The following CERS6 variants were observed in gnomAD, a reference collection of about 807,000 sequenced individuals.
CERS6 encodes LAG1 homolog, ceramide synthase 6.
CERS6 carries 26 observed loss-of-function variants against 56.8 expected under a neutral mutation model. The observed-to-expected ratio is 0.46, with a 90% CI of 0.34 to 0.63. CERS6 has a LOEUF of 0.63. Ranked by LOEUF, CERS6 falls within the 30% of genes least tolerant of loss-of-function variation. The probability of loss-of-function intolerance (pLI) is 0.01; values close to 1 mark genes in which losing one functional copy is unlikely to be tolerated. For missense variants in CERS6, 415 were observed against 467.5 expected (o/e 0.89, Z 1.04); for synonymous variants, 164 against 173.3 (o/e 0.95, Z 0.42).
At chr2:168,597,025 A>G (rs1002676061) in intron 3 of CERS6, among the ~76,000 whole-genome samples, 2 of 152,274 alleles carry the variant, frequency 1.3e-5, no homozygotes, top group South Asian at 2.1e-4. Context: ...TTGAACTCCA[A>G]TTGGTGAACA....
chr2:168,507,247 G>A (rs757239450), intron 1 of CERS6, among the ~76,000 whole-genome samples: 1 of 152,098 alleles, frequency 6.6e-6, no homozygotes, highest in Non-Finnish European at 1.5e-5. Flanking sequence ...AGTTTATAAT[G>A]TCATCATTGT....
intron 3 of CERS6, chr2:168,606,526 TAGGG>T (rs1406181082): frequency 6.6e-6 from 1 of 152,212 alleles, no homozygotes; most frequent in Non-Finnish European, 1.5e-5. Flanking sequence ...TACAGGCTCA[TAGGG>T]AGAAGGAATT....
intron 1 of CERS6, among the ~76,000 whole-genome samples, chr2:168,477,087 A>G (rs1694085353): frequency 2.0e-5 from 3 of 151,198 alleles, no homozygotes; most frequent in Admixed American, 6.6e-5. Context: ...CTGGTGAGGC[A>G]CCTCTTCCTG....
At chr2:168,609,802 AG>A (rs1359092912) in intron 3 of CERS6, among the ~76,000 whole-genome samples, 2 of 152,098 alleles carry the variant, frequency 1.3e-5, no homozygotes, top group Non-Finnish European at 2.9e-5. Context: ...TACCCAGAGA[AG>A]GGGTGAGAAG....
intron 8 of CERS6, among the ~76,000 whole-genome samples, chr2:168,718,528 A>G (rs913408427): frequency 1.2e-4 from 19 of 152,222 alleles, no homozygotes; most frequent in Non-Finnish European, 2.6e-4. Flanking sequence ...ACTATCCTAG[A>G]TAATTCTTTT....
intron 2 of CERS6, among the ~76,000 whole-genome samples, chr2:168,549,896 C>T (rs538850840): frequency 2.0e-5 from 3 of 151,918 alleles, no homozygotes; most frequent in Non-Finnish European, 4.4e-5. Context: ...ACAAAGTGTG[C>T]GTTTGTGTGT....
intron 6 of CERS6, among the ~76,000 whole-genome samples, chr2:168,713,125 GT>G (rs1261674413): frequency 5.9e-5 from 9 of 152,014 alleles, no homozygotes; most frequent in African/African-American, 2.2e-4. Flanking sequence ...GCCTAGAACT[GT>G]CTAGAGCATA....
At chr2:168,720,245 A>C (rs1687328566) in intron 8 of CERS6, among the ~76,000 whole-genome samples, 1 of 152,164 alleles carries the variant, frequency 6.6e-6, no homozygotes, top group African/African-American at 2.4e-5. Flanking sequence ...TACTATTTTA[A>C]CGTATCAACA....
intron 8 of CERS6, among the ~76,000 whole-genome samples, chr2:168,727,173 ATGTTGCTTTC>A (rs1683376383): frequency 6.6e-6 from 1 of 152,112 alleles, no homozygotes. Context: ...CCTTCTCAGA[ATGTTGCTTTC>A]TGTTGCTCTG....
At chr2:168,609,060 G>GTAT (rs1247175119) in intron 3 of CERS6, among the ~76,000 whole-genome samples, 1 of 152,194 alleles carries the variant, frequency 6.6e-6, no homozygotes, top group African/African-American at 2.4e-5. Context: ...CCTGCTGCCT[G>GTAT]TATCTTTTTA....
rs1687267646 is a variant in CERS6, at chr2:168,717,939, T to C, written c.806T>C (p.Val269Ala). The change falls in exon 8 of 10, where the codon GTG becomes GCG. Residue 269 changes from valine (V) to alanine (A), a missense_variant. Val to Ala is a moderately conservative substitution (Grantham distance 64, BLOSUM62 0). Coordinates refer to ENST00000305747, the MANE Select transcript of CERS6 (RefSeq NM_203463.3). ...MCDLLFVMFA[V>A]VFITTRLGIF... ...GATCTCCTGTTTGTTATGTTTGCCG[T>C]GGTTTTTATCACCACACGACTGGGT... is the stretch of plus-strand genomic sequence containing the variant. The C allele has an allele frequency of 2.5e-6, 4 of 1,613,756 alleles. No individual in the cohort carries two copies. The highest frequency in any genetic ancestry group is 3.4e-6 in the Non-Finnish European group (4 of 1,179,816).
intron 1 of CERS6, among the ~76,000 whole-genome samples, chr2:168,541,629 G>A (rs1261014602): frequency 6.6e-6 from 1 of 152,102 alleles, no homozygotes; most frequent in Non-Finnish European, 1.5e-5. Context: ...TGTGGAGATG[G>A]TGGATTTTTT....
intron 1 of CERS6, among the ~76,000 whole-genome samples, chr2:168,520,901 G>A (rs2105356279): frequency 6.6e-6 from 1 of 151,980 alleles, no homozygotes; most frequent in East Asian, 1.9e-4. Context: ...GAGCCACCAC[G>A]CTCAATTGGT....
At chr2:168,645,867 C>T (rs538144995) in intron 4 of CERS6, among the ~76,000 whole-genome samples, 53 of 140,090 alleles carry the variant, frequency 3.8e-4, no homozygotes, top group African/African-American at 1.4e-3. Context: ...AAAAGACATG[C>T]TCTTGTTCTT....
chr2:168,631,631 T>TATAATATATTTAATATTTATATATTAA (rs1684736735), intron 4 of CERS6, among the ~76,000 whole-genome samples: 6 of 25,590 alleles, frequency 2.3e-4, no homozygotes, highest in East Asian at 1.6e-3. Flanking sequence ...TTATATAATA[T>TATAATATATTTAATATTTATATATTAA]ATAGCATATT....
rs138139248 is a variant in CERS6 at position 168,552,808 on chromosome 2, A to G, written c.276+5107A>G. Among the ~76,000 whole-genome samples, 9 of 152,298 alleles carry G rather than the reference A, an allele frequency of 5.9e-5. No homozygotes were observed. The East Asian group carries it at 1.7e-3, about 29-fold the overall frequency. ...GGAAGTAGCAGGTCAAGAAAATTCA[A>G]CTAATTCAAAGATGATTAATAAAGA... On this transcript the variant is annotated intron_variant, in intron 2 of 9. Coordinates refer to ENST00000305747, the MANE Select transcript of CERS6 (RefSeq NM_203463.3).
chr2:168,632,682 A>G (rs1260444321), intron 4 of CERS6, among the ~76,000 whole-genome samples: 4 of 152,328 alleles, frequency 2.6e-5, no homozygotes, highest in Non-Finnish European at 4.4e-5. Context: ...TAGAATGACT[A>G]TAGCGCTTTT....
chr2:168,529,327 G>A (rs967484848), intron 1 of CERS6, among the ~76,000 whole-genome samples: 1 of 152,172 alleles, frequency 6.6e-6, no homozygotes, highest in African/African-American at 2.4e-5. Context: ...GAGACCATGA[G>A]TTTTAATGAA....
intron 8 of CERS6, among the ~76,000 whole-genome samples, chr2:168,738,082 TG>T (rs1412533718): frequency 1.3e-5 from 2 of 152,238 alleles, no homozygotes; most frequent in Admixed American, 1.3e-4. Flanking sequence ...ATTTTCTATT[TG>T]TGGGTATATT....
Sources: gnomAD v4.1 joint callset for allele counts (sites outside exome capture counted in the v4.1 genomes callset) on GRCh38, gnomAD v4.1.1 for gene constraint, MANE v1.5 for transcripts, NCBI Gene and HGNC (gene_info 2026-07-23, HGNC 2026-07-21) for gene names.